FAM221B: variants seen among roughly 807,000 people sequenced by gnomAD.
The protein encoded by FAM221B is protein FAM221B.
In FAM221B, 35 loss-of-function variants were observed where a neutral mutation model predicts 39.8. The ratio of observed to expected loss-of-function variants is 0.88; its 90% CI spans 0.67 to 1.17. The LOEUF is 1.17. FAM221B is among the 50% of genes most tolerant of loss of function. FAM221B has a pLI of 0.00. For synonymous variants in FAM221B, 158 were observed against 178.1 expected (o/e 0.89, Z 0.90); for missense variants, 479 against 503.1 (o/e 0.95, Z 0.46).
chr9:35,819,840 A>ACATACTTCTCTCTC (rs200095161), intron 4 of FAM221B, 50 bp downstream of exon 4: 49 of 1,330,734 alleles, frequency 3.7e-5, no homozygotes, highest in Non-Finnish European at 5.0e-5. Flanking sequence ...GACATGACAG[A>ACATACTTCTCTCTC]GTACAGTTAT....
At chr9:35,826,281 G>A (rs983097341) in intron 1 of FAM221B, 120 bp from the exon 2 acceptor site, 2 of 748,650 alleles carry the variant, frequency 2.7e-6, no homozygotes, top group African/African-American at 3.5e-5. Flanking sequence ...GTGCAGCTGA[G>A]ATATAAGAGG....
At chr9:35,824,916 C>T (rs767204517) in intron 3 of FAM221B, among the ~76,000 whole-genome samples, 1 of 152,142 alleles carries the variant, frequency 6.6e-6, no homozygotes, top group African/African-American at 2.4e-5. Flanking sequence ...CTCCTGACCT[C>T]GTGATCCGCC....
At chr9:35,819,036 G>A (rs1361829337) in intron 5 of FAM221B, 27 bp from the exon 6 acceptor site, 1 of 1,551,514 alleles carries the variant, frequency 6.4e-7, no homozygotes, top group Admixed American at 2.0e-5. Flanking sequence ...GCCAAGAAGA[G>A]TTTAGGAAAT....
rs1829532568 is a variant in FAM221B at position 35,828,582 on chromosome 9, C to T, written c.-120G>A. The T allele has an allele frequency of 6.1e-6, 6 of 985,494 alleles. No individual in the cohort carries two copies. The highest frequency in any genetic ancestry group is 7.2e-6 in the Non-Finnish European group (6 of 829,980). 61.0% of individuals were successfully genotyped at this position (985,494 alleles called of 1,614,324 possible). On this transcript the variant is annotated 5_prime_UTR_variant, in exon 1 of 7. Transcript: ENST00000423537. This position sits in a 1 kb window ranked among gnomAD's most constrained non-coding sequence, Gnocchi z 4.5. ...CTTGGTTGTGGATGTGCCTCAGCTG[C>T]AGGTGCTGAGTGTTGAAATGCCTTG...
rs756405409 is a variant in FAM221B at position 35,819,973 on chromosome 9, TG to T, written c.769del (p.His257IlefsTer21). 16 of 1,613,786 alleles carry T rather than the reference TG, an allele frequency of 9.9e-6. No homozygotes were observed. In the South Asian group the frequency reaches 1.5e-4, roughly 16 times the overall value. On this transcript the variant is annotated frameshift_variant, in exon 4 of 7. Coordinates refer to ENST00000423537, the MANE Select transcript of FAM221B (RefSeq NM_001012446.4). LOFTEE classifies it high-confidence loss of function. ...TGLYIGWRCP[H>X]YLWDCFRIGD... is the part of the protein sequence containing the mutation. ...AATCCGGAAACAGTCCCATAGGTAA[TG>T]GGGGCAGCGCCAGCCAATGTAGAGA... is the stretch of plus-strand genomic sequence containing the variant.
At position 35,828,337 on chromosome 9, in the gene FAM221B, CT is replaced by C. The variant is rs879635185; in HGVS notation, c.-1+125del. 27,609 of 146,362 alleles carry C rather than the reference CT, an allele frequency of 0.19. 4,061 individuals carry two copies. The highest frequency in any genetic ancestry group is 0.25 in the Non-Finnish European group (18,289 of 72,338). The allele number at this position is 146,362 out of a possible 1,614,324, so 9.1% of individuals were successfully genotyped here. On this transcript the variant is annotated intron_variant, in intron 1 of 6. Coordinates refer to ENST00000423537, the MANE Select transcript of FAM221B (RefSeq NM_001012446.4). The surrounding 1 kb of genome is among the most constrained non-coding windows in gnomAD (Gnocchi z 4.5). ...ACAACAACAACAACAACAACAACTA[CT>C]ACTACTACTACTACTACTACTACTA...
At chr9:35,822,739 C>G (rs984203684) in intron 3 of FAM221B, among the ~76,000 whole-genome samples, 1 of 152,170 alleles carries the variant, frequency 6.6e-6, no homozygotes, top group Admixed American at 6.5e-5. Flanking sequence ...CCACTTCTCT[C>G]CACCTAAGCC....
chr9:35,819,899 T>G lies in FAM221B; in HGVS notation c.844A>C (p.Ile282Leu), dbSNP rs766891221. The G allele has an allele frequency of 6.2e-7, 1 of 1,602,274 alleles. No homozygotes were observed. Among genetic ancestry groups the G allele is most frequent in the Non-Finnish European group, 8.5e-7 (1 of 1,171,644 alleles). The stretch of plus-strand genomic sequence containing the variant: ...GTCAGTTCTCCCCTACCTGAGATGA[T>G]CCGGTGCTCTCTCAACAAGTGTCCA... ...FCGHLLREHR[I>L]ISDISVPCKV... The change falls in exon 4 of 7, where the codon ATC (isoleucine) becomes CTC (leucine). Residue 282 changes from isoleucine (I) to leucine (L), a missense_variant. Transcript: ENST00000423537.
At chr9:35,819,101 C>A (rs1829080132) in intron 5 of FAM221B, 92 bp from the exon 6 acceptor site, 4 of 1,537,646 alleles carry the variant, frequency 2.6e-6, no homozygotes. Flanking sequence ...TGACCGCATG[C>A]CCAAGGCTCT....
chr9:35,819,841 GT>G (rs769905623), intron 4 of FAM221B, 48 bp downstream of exon 4: 116,277 of 1,354,706 alleles, frequency 0.086, 6,798 homozygotes, highest in Admixed American at 0.1. Flanking sequence ...ACATGACAGA[GT>G]ACAGTTATTC....
Position 35,816,606 on chromosome 9 carries a change from C to T in FAM221B, c.*1863G>A, listed in dbSNP as rs897741770. 6.6e-6 allele frequency: 1 copy of T among 152,070 alleles called. No homozygotes were observed. The highest frequency in any genetic ancestry group is 2.4e-5 in the African/African-American group (1 of 41,384). The allele number at this position is 152,070 out of a possible 1,614,324, so 9.4% of individuals were successfully genotyped here. ...TTATTATTTCCTTCAATGAGTTTAT[C>T]ATAGTAATCCTAACTCTATTGTTGA... On this transcript the variant is annotated 3_prime_UTR_variant, in exon 7 of 7. Transcript: ENST00000423537.
intron 6 of FAM221B, 70 bp downstream of exon 6, chr9:35,818,820 G>T: frequency 6.5e-7 from 1 of 1,540,262 alleles, no homozygotes; most frequent in Non-Finnish European, 8.7e-7. Flanking sequence ...TTGAGGATGG[G>T]AGTGCCTTCC....
chr9:35,828,524 G>C lies in FAM221B; in HGVS notation c.-62C>G. The stretch of plus-strand genomic sequence containing the variant: ...GTCAAGACCTTGACTTAGGATGGCA[G>C]GGGGAGGTGTTGATCCTCAGGGAGG... On this transcript the variant is annotated 5_prime_UTR_variant, in exon 1 of 7. Coordinates refer to ENST00000423537, the MANE Select transcript of FAM221B (RefSeq NM_001012446.4). The surrounding 1 kb of genome is among the most constrained non-coding windows in gnomAD (Gnocchi z 4.5). 1.0e-6 allele frequency: 1 copy of C among 985,494 alleles called. No individual in the cohort carries two copies. Among genetic ancestry groups the C allele is most frequent in the East Asian group, 1.1e-4 (1 of 8,812 alleles). The allele number at this position is 985,494 out of a possible 1,614,324, so 61.0% of individuals were successfully genotyped here. A position where few individuals can be genotyped will look rare whatever the true frequency, so the allele number is the denominator to read the frequency against.
intron 3 of FAM221B, among the ~76,000 whole-genome samples, chr9:35,823,944 T>G (rs1291115933): frequency 6.6e-6 from 1 of 151,550 alleles, no homozygotes. Context: ...GGATTACAGA[T>G]GTGAGCCACC....
Position 35,825,901 on chromosome 9 carries a change from G to A in FAM221B, c.261C>T (p.Thr87=). 6.2e-7 allele frequency: 1 copy of A among 1,614,120 alleles called. No homozygotes were observed. The highest frequency in any genetic ancestry group is 8.5e-7 in the Non-Finnish European group (1 of 1,179,992). The change falls in exon 2 of 7, where the codon ACC becomes ACT. Residue 87 remains threonine (T), a synonymous_variant. Coordinates refer to ENST00000423537, the MANE Select transcript of FAM221B (RefSeq NM_001012446.4). The surrounding 1 kb of genome is among the most constrained non-coding windows in gnomAD (Gnocchi z 4.2). The part of the protein sequence containing the change: ...EPSISETPSE[T]PTYEASLDSP... ...TATCCAATGAAGCCTCATAGGTAGG[G>A]GTCTCTGAAGGAGTCTCAGAGATGG... is the stretch of plus-strand genomic sequence containing the variant.
At chr9:35,824,169 A>C (rs1829230212) in intron 3 of FAM221B, among the ~76,000 whole-genome samples, 2 of 152,126 alleles carry the variant, frequency 1.3e-5, no homozygotes, top group South Asian at 4.1e-4. Flanking sequence ...TCCCATCATA[A>C]AGGGAAAGGA....
At position 35,818,379 on chromosome 9, in the gene FAM221B, C is replaced by G; in HGVS notation, c.*90G>C. 1 of 1,211,244 alleles carries G rather than the reference C, an allele frequency of 8.3e-7. No homozygotes were observed. Among genetic ancestry groups the G allele is most frequent in the East Asian group, 2.5e-5 (1 of 39,332 alleles). 75.0% of individuals were successfully genotyped at this position (1,211,244 alleles called of 1,614,324 possible). On this transcript the variant is annotated 3_prime_UTR_variant, in exon 7 of 7. Coordinates refer to ENST00000423537, the MANE Select transcript of FAM221B (RefSeq NM_001012446.4). ...TAGGTGTCAACTCTAAGTTATTAGG[C>G]AGTCTCTCCCTGGGCTGGGATCTAC...
Position 35,819,445 on chromosome 9 carries a change from C to T in FAM221B, c.854-51G>A, listed in dbSNP as rs551866718. ...GGTTAATCTGATAGGACCTTGCCTT[C>T]TCATGCCAACCCCATCCTCCATCCC... On this transcript the variant is annotated intron_variant, in intron 4 of 6. Coordinates refer to ENST00000423537, the MANE Select transcript of FAM221B (RefSeq NM_001012446.4). 8.7e-6 allele frequency: 13 copies of T among 1,491,708 alleles called. No individual in the cohort carries two copies. The East Asian group carries it at 2.5e-4, about 29-fold the overall frequency. 92.4% of individuals were successfully genotyped at this position (1,491,708 alleles called of 1,614,324 possible). A position where few individuals can be genotyped will look rare whatever the true frequency, so the allele number is the denominator to read the frequency against.
chr9:35,826,284 A>G lies in FAM221B; in HGVS notation c.1-123T>C, dbSNP rs751441016. 1.2e-5 allele frequency: 9 copies of G among 742,618 alleles called. No homozygotes were observed. The East Asian group carries it at 1.5e-4, about 12-fold the overall frequency. The allele number at this position is 742,618 out of a possible 1,614,324, so 46.0% of individuals were successfully genotyped here. Reference sequence around the variant, plus strand: ...ATAAGGATATCAGTGCAGCTGAGATATAAGAGGGAAACAACATGAACTCTG... The same window carrying G: ...ATAAGGATATCAGTGCAGCTGAGATGTAAGAGGGAAACAACATGAACTCTG... On this transcript the variant is annotated intron_variant, in intron 1 of 6. Coordinates refer to ENST00000423537, the MANE Select transcript of FAM221B (RefSeq NM_001012446.4).
Sources: allele counts gnomAD v4.1 joint callset (sites outside exome capture counted in the v4.1 genomes callset), GRCh38; gene constraint gnomAD v4.1.1; non-coding constraint Gnocchi (gnomAD v3.1); transcripts MANE v1.5; gene names NCBI Gene and HGNC (gene_info 2026-07-23, HGNC 2026-07-21).